The following MIPEP variants were observed in gnomAD, a reference collection of about 807,000 sequenced individuals.
MIPEP encodes mitochondrial intermediate peptidase.
MIPEP carries 79 observed loss-of-function variants against 90.3 expected under a neutral mutation model. The observed-to-expected ratio is 0.87, with a 90% CI of 0.73 to 1.05. MIPEP has a LOEUF of 1.05. Ranked by LOEUF, MIPEP falls within the 50% of genes least tolerant of loss-of-function variation. The pLI is 0.00. For synonymous variants in MIPEP, 334 were observed against 315.8 expected (o/e 1.06, Z -0.61); for missense variants, 940 against 905.6 (o/e 1.04, Z -0.49).
chr13:23,759,818 A>G (rs1044668765), intron 17 of MIPEP, among the ~76,000 whole-genome samples: 14 of 152,170 alleles, frequency 9.2e-5, no homozygotes, highest in Admixed American at 9.2e-4. Context: ...GTAGCACAGG[A>G]GCCCTCATAC....
At chr13:23,756,793 T>A in intron 17 of MIPEP, 175 bp from the exon 18 acceptor site, 1 of 603,930 alleles carries the variant, frequency 1.7e-6, no homozygotes, top group Non-Finnish European at 2.9e-6. Context: ...TAAATTGTTC[T>A]AAAATAAATT....
intron 2 of MIPEP, among the ~76,000 whole-genome samples, chr13:23,882,267 C>G (rs1871303478): frequency 1.3e-5 from 2 of 152,174 alleles, no homozygotes; most frequent in South Asian, 2.1e-4. Context: ...ACACTGGTTT[C>G]AAATATTCTA....
At chr13:23,834,786 T>C (rs1868951793) in intron 14 of MIPEP, among the ~76,000 whole-genome samples, 1 of 152,108 alleles carries the variant, frequency 6.6e-6, no homozygotes, top group Non-Finnish European at 1.5e-5. Context: ...CAGGGAGCAA[T>C]CACTGAACTA....
At chr13:23,850,695 C>T (rs1271082956) in intron 10 of MIPEP, among the ~76,000 whole-genome samples, 2 of 152,210 alleles carry the variant, frequency 1.3e-5, no homozygotes, top group Non-Finnish European at 2.9e-5. Context: ...ACAGAATTCT[C>T]GCCATAGAGG....
Position 23,839,677 on chromosome 13 carries a change from A to G in MIPEP, c.1310T>C (p.Phe437Ser), listed in dbSNP as rs1319412344. 18 of 1,613,208 alleles carry G rather than the reference A, an allele frequency of 1.1e-5. No homozygotes were observed. The South Asian group carries it at 1.9e-4, about 17-fold the overall frequency. The change falls in exon 12 of 19, where the codon TTT becomes TCT. Residue 437 changes from phenylalanine to serine, a missense_variant. Coordinates refer to ENST00000382172, the MANE Select transcript of MIPEP (RefSeq NM_005932.4). ...ATGTGGTTTGTCTGCTCGCTGAAAAAAATCACAGTAAATGTACCCCAACAA... is the reference window on the plus strand; with the variant it reads ...ATGTGGTTTGTCTGCTCGCTGAAAAGAATCACAGTAAATGTACCCCAACAA... ...EGLLGYIYCDFFQRADKPHQD... is the reference protein window; with the variant it reads ...EGLLGYIYCDSFQRADKPHQD...
intron 16 of MIPEP, among the ~76,000 whole-genome samples, chr13:23,787,927 G>C (rs1189310101): frequency 6.6e-6 from 1 of 152,134 alleles, no homozygotes; most frequent in African/African-American, 2.4e-5. Context: ...GGTAAAAAAG[G>C]GTCCCTATGA....
chr13:23,883,287 C>T (rs1441709313), intron 2 of MIPEP, among the ~76,000 whole-genome samples: 3 of 151,374 alleles, frequency 2.0e-5, no homozygotes, highest in African/African-American at 7.3e-5. Context: ...AGATATAGCG[C>T]AGAGAAGTTA....
intron 18 of MIPEP, among the ~76,000 whole-genome samples, chr13:23,736,130 A>G (rs1191641345): frequency 6.6e-6 from 1 of 152,188 alleles, no homozygotes; most frequent in East Asian, 1.9e-4. Context: ...GTTAACTCCA[A>G]CCAAGGTGGA....
At chr13:23,770,529 C>T (rs1159831188) in intron 16 of MIPEP, among the ~76,000 whole-genome samples, 3 of 152,174 alleles carry the variant, frequency 2.0e-5, no homozygotes, top group African/African-American at 4.8e-5. Context: ...ACCTCAGCAT[C>T]GAAGTCTGTG....
At chr13:23,840,427 G>A (rs1331405774) in intron 11 of MIPEP, among the ~76,000 whole-genome samples, 3 of 152,212 alleles carry the variant, frequency 2.0e-5, no homozygotes, top group African/African-American at 7.2e-5. Flanking sequence ...GACCCCGGTG[G>A]AGTGCACATT....
chr13:23,816,585 G>A (rs776339959), intron 14 of MIPEP, among the ~76,000 whole-genome samples: 4 of 151,900 alleles, frequency 2.6e-5, no homozygotes, highest in African/African-American at 4.8e-5. Flanking sequence ...CATGTTTTCC[G>A]TCTTGTCCTT....
intron 10 of MIPEP, among the ~76,000 whole-genome samples, chr13:23,848,309 C>T (rs1020855221): frequency 3.3e-5 from 5 of 152,138 alleles, no homozygotes; most frequent in African/African-American, 1.2e-4. Context: ...ACTTCTATTC[C>T]AGTTCCCTTC....
At chr13:23,812,521 C>G (rs1953186737) in intron 14 of MIPEP, among the ~76,000 whole-genome samples, 1 of 151,904 alleles carries the variant, frequency 6.6e-6, no homozygotes. Context: ...ACTGAACAGA[C>G]CCCCTGTTGG....
intron 5 of MIPEP, among the ~76,000 whole-genome samples, chr13:23,871,557 A>T (rs957417735): frequency 3.9e-5 from 6 of 152,224 alleles, no homozygotes; most frequent in African/African-American, 1.4e-4. Context: ...TCTTTCTGGG[A>T]GAGGAGATAG....
chr13:23,760,362 A>T, intron 16 of MIPEP, 145 bp from the exon 17 acceptor site: 1 of 1,062,408 alleles, frequency 9.4e-7, no homozygotes, highest in Non-Finnish European at 1.4e-6. Flanking sequence ...CACCTATGAT[A>T]TCAATATTTT....
intron 14 of MIPEP, among the ~76,000 whole-genome samples, chr13:23,811,934 C>T (rs185776589): frequency 2.0e-5 from 3 of 152,154 alleles, no homozygotes; most frequent in African/African-American, 7.2e-5. Flanking sequence ...TTCCACTTAG[C>T]TGGCCCTGCT....
chr13:23,884,173 A>G (rs868597393), intron 2 of MIPEP, among the ~76,000 whole-genome samples: 9,459 of 137,374 alleles, frequency 0.069, no homozygotes, highest in Non-Finnish European at 0.1. Context: ...AAAAGGCAAA[A>G]CTATAGGGAG....
At chr13:23,865,582 G>A (rs1300309312) in intron 7 of MIPEP, among the ~76,000 whole-genome samples, 3 of 152,032 alleles carry the variant, frequency 2.0e-5, no homozygotes, top group Non-Finnish European at 4.4e-5. Context: ...ATGTATGCTT[G>A]TATACGTTTT....
Position 23,836,284 on chromosome 13 carries a change from A to C in MIPEP, c.1609T>G (p.Tyr537Asp). 1 of 1,607,326 alleles carries C rather than the reference A, an allele frequency of 6.2e-7. No homozygotes were observed. Among genetic ancestry groups the C allele is most frequent in the Non-Finnish European group, 8.5e-7 (1 of 1,177,296 alleles). Reference protein sequence around the residue: ...SILMEYFANDYRVVNQFARHY... With the variant: ...SILMEYFANDDRVVNQFARHY... Reference sequence around the variant, plus strand: ...CTGGCAAATTGGTTAACTACTCGATAATCATTTGCAAAGTACTCCATCAGA... The same window carrying C: ...CTGGCAAATTGGTTAACTACTCGATCATCATTTGCAAAGTACTCCATCAGA... The change falls in exon 14 of 19, where the codon TAT becomes GAT. Residue 537 changes from tyrosine (Y) to aspartate (D), a missense_variant. Physicochemically the swap from Tyr to Asp is radical, Grantham distance 160. Coordinates refer to ENST00000382172, the MANE Select transcript of MIPEP (RefSeq NM_005932.4).
Sources: gnomAD v4.1 joint callset for allele counts (sites outside exome capture counted in the v4.1 genomes callset) on GRCh38, gnomAD v4.1.1 for gene constraint, MANE v1.5 for transcripts, NCBI Gene and HGNC (gene_info 2026-07-23, HGNC 2026-07-21) for gene names.